SPIDR: variants seen among roughly 807,000 people sequenced by gnomAD.
SPIDR encodes scaffold protein involved in DNA repair, also known as DNA repair-scaffolding protein.
In SPIDR, 93 loss-of-function variants were observed where a neutral mutation model predicts 104.6. That is an observed-to-expected ratio of 0.89 (90% confidence interval 0.75 to 1.06). The LOEUF is 1.06. Among genes scored for constraint, SPIDR ranks in the 50% least tolerant of loss-of-function variants. SPIDR has a pLI of 0.00. For missense variants in SPIDR, 1,154 were observed against 1,111.2 expected (o/e 1.04, Z -0.55); for synonymous variants, 431 against 416.9 (o/e 1.03, Z -0.41).
At chr8:47,341,056 G>A (rs367565074) in intron 5 of SPIDR, among the ~76,000 whole-genome samples, 2 of 152,142 alleles carry the variant, frequency 1.3e-5, no homozygotes, top group African/African-American at 2.4e-5. Flanking sequence ...AGTCAGCTTG[G>A]GGGGGATGCC....
intron 8 of SPIDR, among the ~76,000 whole-genome samples, chr8:47,551,139 A>C (rs2090395037): frequency 6.6e-6 from 1 of 152,186 alleles, no homozygotes; most frequent in South Asian, 2.1e-4. Context: ...CGTGGTGGAT[A>C]AGCTTTTTGA....
intron 11 of SPIDR, among the ~76,000 whole-genome samples, chr8:47,687,718 G>T (rs967806390): frequency 2.6e-5 from 4 of 152,208 alleles, no homozygotes; most frequent in Non-Finnish European, 2.9e-5. Flanking sequence ...ACACTTCTGA[G>T]AGTGTTTCCA....
intron 5 of SPIDR, among the ~76,000 whole-genome samples, chr8:47,372,828 T>C (rs1395604274): frequency 6.6e-6 from 1 of 152,184 alleles, no homozygotes; most frequent in Admixed American, 6.5e-5. Context: ...ACCCAAATAA[T>C]GAACATTGTA....
At chr8:47,637,102 C>T (rs960814921) in intron 10 of SPIDR, among the ~76,000 whole-genome samples, 2 of 152,146 alleles carry the variant, frequency 1.3e-5, no homozygotes, top group Non-Finnish European at 2.9e-5. Flanking sequence ...GTACTTTATT[C>T]GCATTTCCTT....
intron 5 of SPIDR, among the ~76,000 whole-genome samples, chr8:47,382,873 A>G: frequency 6.6e-6 from 1 of 152,174 alleles, no homozygotes; most frequent in Non-Finnish European, 1.5e-5. Context: ...TACATTACCA[A>G]AAAACTGGAA....
intron 5 of SPIDR, among the ~76,000 whole-genome samples, chr8:47,302,348 CG>C (rs2042242293): frequency 6.6e-6 from 1 of 151,288 alleles, no homozygotes; most frequent in African/African-American, 2.4e-5. Flanking sequence ...CCATTTGTCT[CG>C]TTTTTTTCCA....
intron 10 of SPIDR, among the ~76,000 whole-genome samples, chr8:47,650,362 C>T (rs530930386): frequency 1.3e-5 from 2 of 151,956 alleles, no homozygotes; most frequent in Non-Finnish European, 2.9e-5. Flanking sequence ...ACAATAGCTG[C>T]AAAAATTAGA....
rs1461135312 is a variant in SPIDR at position 47,673,232 on chromosome 8, C to G, written c.1545-569C>G. On this transcript the variant is annotated intron_variant, in intron 10 of 19. Coordinates refer to ENST00000297423, the MANE Select transcript of SPIDR (RefSeq NM_001080394.4). The stretch of plus-strand genomic sequence containing the variant: ...AAAGCTGGGGGGAATCCCATCATGT[C>G]GCTGGCTGTCCATCATGGCTGTGTT... 2.0e-5 allele frequency among the ~76,000 whole-genome samples: 3 copies of G among 152,342 alleles called. No individual in the cohort carries two copies. In the East Asian group the frequency reaches 5.8e-4, roughly 29 times the overall value.
chr8:47,605,271 CAAAGTCTAAT>C (rs2062798298), intron 10 of SPIDR, among the ~76,000 whole-genome samples: 1 of 152,094 alleles, frequency 6.6e-6, no homozygotes, highest in Non-Finnish European at 1.5e-5. Context: ...CATAGTACTG[CAAAGTCTAAT>C]AAAGTGAGCA....
At chr8:47,263,586 T>C (rs917220148) in intron 1 of SPIDR, among the ~76,000 whole-genome samples, 45 of 152,240 alleles carry the variant, frequency 3.0e-4, no homozygotes, top group African/African-American at 1.1e-3. Context: ...CCCAAAGTGC[T>C]GGGATTACAG....
intron 17 of SPIDR, among the ~76,000 whole-genome samples, chr8:47,728,359 A>C (rs1467574825): frequency 6.6e-6 from 1 of 151,818 alleles, no homozygotes; most frequent in Admixed American, 6.6e-5. Flanking sequence ...CACTTGAACC[A>C]GGGGGAGGTG....
At chr8:47,697,428 CAT>C (rs1318352120) in intron 11 of SPIDR, among the ~76,000 whole-genome samples, 4 of 152,156 alleles carry the variant, frequency 2.6e-5, no homozygotes, top group African/African-American at 2.4e-5. Flanking sequence ...ACAATTTTAA[CAT>C]GTGTATAGAT....
At chr8:47,373,784 T>C (rs1232207279) in intron 5 of SPIDR, among the ~76,000 whole-genome samples, 1 of 152,220 alleles carries the variant, frequency 6.6e-6, no homozygotes. Context: ...TTAAAATCAA[T>C]TTTTTAAAAT....
chr8:47,505,319 C>G (rs2081296553), intron 8 of SPIDR, among the ~76,000 whole-genome samples: 1 of 152,190 alleles, frequency 6.6e-6, no homozygotes, highest in South Asian at 2.1e-4. Context: ...GTTTACCTAC[C>G]CAAGCCTCAG....
At chr8:47,647,641 A>AGAGAGAGAGAGAGG (rs1204737948) in intron 10 of SPIDR, among the ~76,000 whole-genome samples, 19 of 145,020 alleles carry the variant, frequency 1.3e-4, no homozygotes, top group African/African-American at 4.5e-4. Context: ...AGAGAGAGAG[A>AGAGAGAGAGAGAGG]GAGAGAGAGA....
At chr8:47,361,607 G>T (rs1467409350) in intron 5 of SPIDR, among the ~76,000 whole-genome samples, 1 of 152,214 alleles carries the variant, frequency 6.6e-6, no homozygotes, top group Non-Finnish European at 1.5e-5. Context: ...ATTCTCAGAC[G>T]CTTCTGCCAC....
chr8:47,447,368 C>G (rs2070854606), intron 8 of SPIDR, among the ~76,000 whole-genome samples: 2 of 152,100 alleles, frequency 1.3e-5, no homozygotes, highest in Non-Finnish European at 2.9e-5. Context: ...CGTGTGCCAC[C>G]ACACACGGCT....
At chr8:47,313,616 G>A in intron 5 of SPIDR, among the ~76,000 whole-genome samples, 1 of 152,252 alleles carries the variant, frequency 6.6e-6, no homozygotes, top group Non-Finnish European at 1.5e-5. Flanking sequence ...TCAATCCTAA[G>A]CCAAAAGAAC....
chr8:47,471,292 C>A (rs1322511479), intron 8 of SPIDR, among the ~76,000 whole-genome samples: 1 of 137,910 alleles, frequency 7.3e-6, no homozygotes, highest in Non-Finnish European at 1.5e-5. Flanking sequence ...GATTACTATC[C>A]AGAATATATA....
Sources: gnomAD v4.1 joint callset for allele counts (sites outside exome capture counted in the v4.1 genomes callset) on GRCh38, gnomAD v4.1.1 for gene constraint, MANE v1.5 for transcripts, NCBI Gene and HGNC (gene_info 2026-07-23, HGNC 2026-07-21) for gene names.